Variants in ZBED1 observed in about 807,000 individuals in gnomAD.
The protein encoded by ZBED1 is zinc finger BED-type containing 1, also known as E3 SUMO-protein ligase ZBED1.
ZBED1 carries 19 observed loss-of-function variants against 49.7 expected under a neutral mutation model. That is an observed-to-expected ratio of 0.38 (90% CI 0.27 to 0.56). The LOEUF (loss-of-function observed/expected upper bound fraction) is 0.56, where lower values mean the gene tolerates loss of function less well. Among genes scored for constraint, ZBED1 ranks in the 20% least tolerant of loss-of-function variants. The probability of loss-of-function intolerance (pLI) is 0.70; values close to 1 mark genes in which losing one functional copy is unlikely to be tolerated. For missense variants in ZBED1, 806 were observed against 972.6 expected (o/e 0.83, Z 2.28); for synonymous variants, 439 against 440.3 (o/e 1.00, Z 0.04).
At chrX:2,500,642 A>AG (rs535012116) in intron 1 of ZBED1, 175 bp downstream of exon 1, 139,056 of 139,102 alleles carry the variant, frequency 1, 69,505 homozygotes, top group Middle Eastern at 1. Context: ...GGGAGGTCCC[A>AG]GCGCGCACGC....
rs1027985080 is a variant in ZBED1 at position 2,491,075 on chromosome X, T to G, written c.-53-303A>C. Among the ~76,000 whole-genome samples, 83 of 126,540 alleles carry G rather than the reference T, an allele frequency of 6.6e-4. 2 individuals carry two copies. Among genetic ancestry groups the G allele is most frequent in the African/African-American group, 2.3e-3 (79 of 34,084 alleles). The allele number at this position is 126,540 out of a possible 152,430, so 83.0% of individuals were successfully genotyped here. A position where few individuals can be genotyped will look rare whatever the true frequency, so the allele number is the denominator to read the frequency against. ...CTGACAAGTGCCTTTAGTTTTTTTT[T>G]TTTTTTTTTTTTGAGACAGAGTTTC... is the stretch of plus-strand genomic sequence containing the variant. On this transcript the variant is annotated intron_variant, in intron 1 of 1. Coordinates refer to ENST00000652001, the MANE Select transcript of ZBED1 (RefSeq NM_001171136.2).
chrX:2,493,119 C>A (rs1174085056), intron 1 of ZBED1, among the ~76,000 whole-genome samples: 1 of 152,186 alleles, frequency 6.6e-6, no homozygotes, highest in Non-Finnish European at 1.5e-5. Context: ...ATGCCAGCAC[C>A]CTGGTTTGTT....
In ZBED1 at chrX:2,488,553, C is replaced by G; in HGVS notation, c.*82G>C. ...AGTGGATGGTCTCTGAGGTTCAAAACCAAGCTGACCGGGTAAGTATTTACA... is the reference window on the plus strand; with the variant it reads ...AGTGGATGGTCTCTGAGGTTCAAAAGCAAGCTGACCGGGTAAGTATTTACA... On this transcript the variant is annotated 3_prime_UTR_variant, in exon 2 of 2. Coordinates refer to ENST00000652001, the MANE Select transcript of ZBED1 (RefSeq NM_001171136.2). The G allele has an allele frequency of 6.7e-7, 1 of 1,487,074 alleles. No individual in the cohort carries two copies. Among genetic ancestry groups the G allele is most frequent in the South Asian group, 1.4e-5 (1 of 72,750 alleles). 92.1% of individuals were successfully genotyped at this position (1,487,074 alleles called of 1,614,324 possible).
At chrX:2,490,822 C>T (rs778929474) in intron 1 of ZBED1, 50 bp from the exon 2 acceptor site, 46 of 1,489,690 alleles carry the variant, frequency 3.1e-5, no homozygotes, top group East Asian at 2.5e-4. Flanking sequence ...CAGGCACGCA[C>T]GGGAGCCCTG....
chrX:2,498,622 T>TG (rs1235804804), intron 1 of ZBED1, among the ~76,000 whole-genome samples: 5 of 86,066 alleles, frequency 5.8e-5, no homozygotes, highest in Non-Finnish European at 7.4e-5. Flanking sequence ...AATCAGTAAA[T>TG]GGGAAAAAAA....
chrX:2,489,700 G>T lies in ZBED1; in HGVS notation c.1020C>A (p.Asn340Lys). The T allele has an allele frequency of 6.2e-7, 1 of 1,612,820 alleles. No homozygotes were observed. The change falls in exon 2 of 2, where the codon AAC (asparagine) becomes AAA (lysine). Residue 340 changes from asparagine (N) to lysine (K), a missense_variant. This residue lies in a region of ZBED1 where 749 missense variants were observed against 861.3 expected (regional missense o/e 0.87). Coordinates refer to ENST00000652001, the MANE Select transcript of ZBED1 (RefSeq NM_001171136.2). ...TGCTCACCAGCATGCAGTGGGCCAC[G>T]TTCTGCTGCTTCTGCTTCTCATAGA... The part of the protein sequence containing the change: ...YMLYEKQKQQ[N>K]VAHCMLVSNR...
chrX:2,493,097 G>C (rs754068570), intron 1 of ZBED1, among the ~76,000 whole-genome samples: 6 of 152,224 alleles, frequency 3.9e-5, no homozygotes, highest in Non-Finnish European at 8.8e-5. Flanking sequence ...AAGGAGGGGG[G>C]TCCTGTGGCC....
At chrX:2,494,753 G>C (rs1163682237) in intron 1 of ZBED1, among the ~76,000 whole-genome samples, 3 of 151,736 alleles carry the variant, frequency 2.0e-5, no homozygotes, top group African/African-American at 7.3e-5. Flanking sequence ...CTAGAGCCAA[G>C]TTTTATATTC....
rs750183839 is a variant in ZBED1, at chrX:2,489,154, C to T, written c.1566G>A (p.Pro522=). The change falls in exon 2 of 2, where the codon CCG becomes CCA. Residue 522 remains proline (P), a synonymous_variant. Coordinates refer to ENST00000652001, the MANE Select transcript of ZBED1 (RefSeq NM_001171136.2). ...GYRPAEDKIF[P]VPEEPPVKKL... is the part of the protein sequence containing the mutation. ...TCTTGACGGGAGGCTCCTCGGGCAC[C>T]GGGAAGATCTTGTCCTCAGCCGGCC... 1.1e-5 allele frequency: 17 copies of T among 1,613,604 alleles called. No homozygotes were observed. The East Asian group carries it at 2.0e-4, about 19-fold the overall frequency.
chrX:2,490,053 G>A lies in ZBED1; in HGVS notation c.667C>T (p.Pro223Ser). The A allele has an allele frequency of 6.2e-7, 1 of 1,613,796 alleles. No homozygotes were observed. Among genetic ancestry groups the A allele is most frequent in the Middle Eastern group, 1.7e-4 (1 of 6,000 alleles). Residue 223 changes from proline to serine, a missense_variant, in exon 2 of 2, where the codon CCC becomes TCC. Physicochemically the swap from Pro to Ser is moderately conservative, Grantham distance 74. Around this residue, in one of 2 missense-constraint regions of ZBED1, gnomAD observed 749 missense variants for 861.3 expected, o/e 0.87. Coordinates refer to ENST00000652001, the MANE Select transcript of ZBED1 (RefSeq NM_001171136.2). ...CGGGAGCCCATGGACAGGCAGTTGG[G>A]GGCGCCCAGGCCCAGGAAGTGGGCG... is the stretch of plus-strand genomic sequence containing the variant. ...LAAHFLGLGA[P>S]NCLSMGSRCL...
Position 2,490,300 on chromosome X carries a change from T to G in ZBED1, c.420A>C (p.Pro140=). Residue 140 remains proline, a synonymous_variant, in exon 2 of 2, where the codon CCA becomes CCC. Transcript: ENST00000652001. The stretch of plus-strand genomic sequence containing the variant: ...AGGTGGGCTCGTCCACGATGGAGGC[T>G]GGGTACAGCCCCTCGCAGATGAGGC... ...VLGLICEGLY[P]ASIVDEPTFK... 2 of 1,613,528 alleles carry G rather than the reference T, an allele frequency of 1.2e-6. No homozygotes were observed. Among genetic ancestry groups the G allele is most frequent in the Non-Finnish European group, 1.7e-6 (2 of 1,179,850 alleles).
At position 2,490,218 on chromosome X, in the gene ZBED1, T is replaced by A. The variant is rs777355574; in HGVS notation, c.502A>T (p.Ile168Phe). The change falls in exon 2 of 2, where the codon ATC (isoleucine) becomes TTC (phenylalanine). Residue 168 changes from isoleucine to phenylalanine, a missense_variant. Around this residue, in one of 2 missense-constraint regions of ZBED1, gnomAD observed 749 missense variants for 861.3 expected, o/e 0.87. Coordinates refer to ENST00000652001, the MANE Select transcript of ZBED1 (RefSeq NM_001171136.2). ...TTCTCAGGGATGGCCTTGGTAGAGATGTACTTCCGGCTGGGCAGCTCATAC... is the reference window on the plus strand; with the variant it reads ...TTCTCAGGGATGGCCTTGGTAGAGAAGTACTTCCGGCTGGGCAGCTCATAC... ...PRYELPSRKY[I>F]STKAIPEKYG... 1 of 1,613,948 alleles carries A rather than the reference T, an allele frequency of 6.2e-7. No homozygotes were observed. The highest frequency in any genetic ancestry group is 2.2e-5 in the East Asian group (1 of 44,866).
At chrX:2,493,536 T>TATC (rs1255140544) in intron 1 of ZBED1, among the ~76,000 whole-genome samples, 1 of 151,766 alleles carries the variant, frequency 6.6e-6, no homozygotes, top group Non-Finnish European at 1.5e-5. Context: ...TCAATTCCAT[T>TATC]ATTATTATTA....
At chrX:2,494,126 CTATTAT>C (rs769646009) in intron 1 of ZBED1, among the ~76,000 whole-genome samples, 107 of 151,346 alleles carry the variant, frequency 7.1e-4, no homozygotes, top group African/African-American at 2.1e-3. Context: ...CATCCATATT[CTATTAT>C]TATTATTATT....
Position 2,489,168 on chromosome X carries a change from C to T in ZBED1, c.1552G>A (p.Asp518Asn), listed in dbSNP as rs1446179909. ...VKDGGYRPAE[D>N]KIFPVPEEPP... ...TCCTCGGGCACCGGGAAGATCTTGT[C>T]CTCAGCCGGCCGGTAGCCGCCGTCT... The change falls in exon 2 of 2, where the codon GAC (aspartate) becomes AAC (asparagine). Residue 518 changes from aspartate (D) to asparagine (N), a missense_variant. Physicochemically the swap from Asp to Asn is conservative, Grantham distance 23 (BLOSUM62 1). Transcript: ENST00000652001. 1.2e-6 allele frequency: 2 copies of T among 1,613,534 alleles called. No homozygotes were observed. Among genetic ancestry groups the T allele is most frequent in the Non-Finnish European group, 8.5e-7 (1 of 1,179,866 alleles).
intron 1 of ZBED1, 157 bp downstream of exon 1, chrX:2,500,660 C>CTCCGA (rs2045402010): frequency 6.8e-6 from 1 of 147,296 alleles, no homozygotes; most frequent in African/African-American, 2.5e-5. Context: ...CGCCGCCCCC[C>CTCCGA]CCCCACCCCC....
At position 2,489,750 on chromosome X, in the gene ZBED1, G is replaced by A. The variant is rs1326015209; in HGVS notation, c.970C>T (p.Gln324Ter). 2 of 1,613,272 alleles carry A rather than the reference G, an allele frequency of 1.2e-6. No individual in the cohort carries two copies. The change falls in exon 2 of 2, where the codon CAG becomes TAG. Residue 324 changes from glutamine to a stop codon, truncating the protein, a stop_gained. Coordinates refer to ENST00000652001, the MANE Select transcript of ZBED1 (RefSeq NM_001171136.2). LOFTEE classifies it high-confidence loss of function. ...AGCATGTACATGGCCACGGCAGACT[G>A]CTGGAAGTACTCCACCAGTTTGCGG... ...RCRKLVEYFQ[Q>*]SAVAMYMLYE...
chrX:2,490,728 C>T lies in ZBED1; in HGVS notation c.-9G>A. ...AGGCTTTTATTCTCCATTGCTTCTC[C>T]ACCGGAGCCTGCCTGCTGGACGGCT... On this transcript the variant is annotated 5_prime_UTR_variant, in exon 2 of 2. The change creates a premature stop within an existing upstream ORF in the 5' untranslated region. Transcript: ENST00000652001. The T allele has an allele frequency of 6.2e-7, 1 of 1,608,176 alleles. No homozygotes were observed. Among genetic ancestry groups the T allele is most frequent in the Non-Finnish European group, 8.5e-7 (1 of 1,176,434 alleles).
chrX:2,498,614 T>C (rs2045338606), intron 1 of ZBED1, among the ~76,000 whole-genome samples: 1 of 135,152 alleles, frequency 7.4e-6, no homozygotes. Context: ...TGTTGTTTAA[T>C]CAGTAAATGG....
Sources: gnomAD v4.1 joint callset for allele counts (sites outside exome capture counted in the v4.1 genomes callset) on GRCh38, gnomAD v4.1.1 for gene constraint, gnomAD v4.1.1 regional missense constraint, MANE v1.5 for transcripts, NCBI Gene and HGNC (gene_info 2026-07-23, HGNC 2026-07-21) for gene names.